The following SCNN1G variants were observed in gnomAD, a reference collection of about 807,000 sequenced individuals.
SCNN1G encodes the protein sodium channel epithelial 1 subunit gamma.
Under a neutral mutation model 64.6 loss-of-function variants are expected in SCNN1G, and 27 were observed. The ratio of observed to expected loss-of-function variants is 0.42; its 90% CI spans 0.31 to 0.58. SCNN1G has a LOEUF of 0.58. SCNN1G is among the 20% of genes least tolerant of loss of function. The pLI, the probability that SCNN1G is intolerant of heterozygous loss-of-function variation, is 0.18. For missense variants in SCNN1G, 743 were observed against 823.4 expected, an observed-to-expected ratio of 0.90 and a Z score of 1.19; for synonymous variants, 330 against 314.2, an observed-to-expected ratio of 1.05 and a Z score of -0.53.
chr16:23,192,515 T>G lies in SCNN1G; in HGVS notation c.782T>G (p.Phe261Cys). ...YSAEELLVTC[F>C]FDGVSCDARN... Reference sequence around the variant, plus strand: ...GCTGAGGAGCTGCTGGTGACCTGCTTCTTTGATGGAGTGTCCTGTGATGCC... The same window carrying G: ...GCTGAGGAGCTGCTGGTGACCTGCTGCTTTGATGGAGTGTCCTGTGATGCC... The change falls in exon 4 of 13, where the codon TTC becomes TGC. Residue 261 changes from phenylalanine to cysteine, a missense_variant. By Grantham distance (205) the Phe-to-Cys change is radical. Transcript: ENST00000300061. 1.2e-6 allele frequency: 2 copies of G among 1,612,452 alleles called. No homozygotes were observed. The highest frequency in any genetic ancestry group is 1.7e-6 in the Non-Finnish European group (2 of 1,179,964).
At chr16:23,185,118 T>A (rs977947598) in intron 1 of SCNN1G, among the ~76,000 whole-genome samples, 11 of 152,270 alleles carry the variant, frequency 7.2e-5, no homozygotes, top group Admixed American at 2.6e-4. Flanking sequence ...GGCTGCAGGG[T>A]TCCATCCAGC....
chr16:23,205,377 A>T (rs2141940516), intron 6 of SCNN1G, among the ~76,000 whole-genome samples: 1 of 152,202 alleles, frequency 6.6e-6, no homozygotes, highest in East Asian at 1.9e-4. Flanking sequence ...GCCCTGAGAC[A>T]GCCTAGAGAC....
chr16:23,186,003 G>A (rs1352486862), intron 1 of SCNN1G, among the ~76,000 whole-genome samples: 1 of 152,318 alleles, frequency 6.6e-6, no homozygotes, highest in African/African-American at 2.4e-5. Context: ...CCTGGGGGCC[G>A]TAAGAGAAGT....
At chr16:23,209,706 T>A (rs373486997) in intron 6 of SCNN1G, 44 bp from the exon 7 acceptor site, 170 of 1,451,274 alleles carry the variant, frequency 1.2e-4, no homozygotes, top group Non-Finnish European at 1.6e-4. Context: ...CCCGCCTGGG[T>A]CCGGGGGGAG....
At chr16:23,187,757 C>T (rs1959637375) in intron 2 of SCNN1G, among the ~76,000 whole-genome samples, 2 of 152,186 alleles carry the variant, frequency 1.3e-5, no homozygotes, top group South Asian at 2.1e-4. Context: ...CTATCATCCT[C>T]GGCAGGACCT....
At chr16:23,209,872 AGC>A in intron 7 of SCNN1G, 24 bp downstream of exon 7, 1 of 1,556,160 alleles carries the variant, frequency 6.4e-7, no homozygotes, top group Non-Finnish European at 8.9e-7. Context: ...AGGGGCACCC[AGC>A]CCTGGGTTTA....
Position 23,189,348 on chromosome 16 carries a change from A to C in SCNN1G, c.318-23A>C, listed in dbSNP as rs780997631. 4 of 1,611,386 alleles carry C rather than the reference A, an allele frequency of 2.5e-6. No homozygotes were observed. The African/African-American group carries it at 5.3e-5, about 22-fold the overall frequency. Reference sequence around the variant, plus strand: ...GCCAGGGCCGCCTCCCCTCTCCCTGACTTTTCCTCCCCACCTTGGCAGGTA... The same window carrying C: ...GCCAGGGCCGCCTCCCCTCTCCCTGCCTTTTCCTCCCCACCTTGGCAGGTA... On this transcript the variant is annotated intron_variant, in intron 2 of 12. Coordinates refer to ENST00000300061, the MANE Select transcript of SCNN1G (RefSeq NM_001039.4).
intron 2 of SCNN1G, among the ~76,000 whole-genome samples, chr16:23,188,455 G>A (rs752183810): frequency 6.6e-6 from 1 of 151,908 alleles, no homozygotes; most frequent in African/African-American, 2.4e-5. Flanking sequence ...TAGGCTGCAG[G>A]GAACCATGAT....
chr16:23,195,136 C>T (rs1959775568), intron 5 of SCNN1G: 1 of 152,132 alleles, frequency 6.6e-6, no homozygotes, highest in Non-Finnish European at 1.5e-5. Context: ...TAATTAAAGT[C>T]CTATCTCAAA....
chr16:23,212,143 C>A lies in SCNN1G; in HGVS notation c.1286C>A (p.Pro429His), dbSNP rs779293588. 1 of 1,609,632 alleles carries A rather than the reference C, an allele frequency of 6.2e-7. No individual in the cohort carries two copies. The highest frequency in any genetic ancestry group is 2.2e-5 in the East Asian group (1 of 44,866). Residue 429 changes from proline to histidine, a missense_variant, in exon 8 of 13, where the codon CCC (proline) becomes CAC (histidine). By Grantham distance (77) the Pro-to-His change is moderately conservative. Transcript: ENST00000300061. Reference sequence around the variant, plus strand: ...AACTACTGCAACTACCAGCAGCACCCCAACTGGAGTGAGTGAGACCCAGCT... The same window carrying A: ...AACTACTGCAACTACCAGCAGCACCACAACTGGAGTGAGTGAGACCCAGCT... The part of the protein sequence containing the change: ...AANYCNYQQH[P>H]NWMYCYYQLH...
chr16:23,190,416 C>T (rs1454160017), intron 3 of SCNN1G, among the ~76,000 whole-genome samples: 1 of 152,110 alleles, frequency 6.6e-6, no homozygotes, highest in Non-Finnish European at 1.5e-5. Context: ...ACCAGTAACT[C>T]ATGGAGGCCT....
chr16:23,191,040 T>C (rs898363819), intron 3 of SCNN1G, among the ~76,000 whole-genome samples: 5 of 152,040 alleles, frequency 3.3e-5, no homozygotes, highest in Non-Finnish European at 4.4e-5. Flanking sequence ...AGACTGGGTT[T>C]CACCATGTTG....
At chr16:23,199,663 CTTTTTTTTTTTTT>C (rs67132706) in intron 6 of SCNN1G, among the ~76,000 whole-genome samples, 1 of 59,642 alleles carries the variant, frequency 1.7e-5, no homozygotes, top group Non-Finnish European at 3.0e-5. Context: ...CTTTTCTTTT[CTTTTTTTTTTTTT>C]TTTTTTTTTT....
In SCNN1G at chr16:23,183,694, T is replaced by A. The variant is rs563146898; in HGVS notation, c.-45+881T>A. Among the ~76,000 whole-genome samples, 190 of 145,100 alleles carry A rather than the reference T, an allele frequency of 1.3e-3. 1 individual carries two copies. The highest frequency in any genetic ancestry group is 4.4e-3 in the African/African-American group (182 of 41,176). ...AAATGGGCCAAGTAATAGCACCTCA[T>A]ATAACTGTAGTGAGGATTAAATCAG... is the stretch of plus-strand genomic sequence containing the variant. On this transcript the variant is annotated intron_variant, in intron 1 of 12. Transcript: ENST00000300061.
rs769294418 is a variant in SCNN1G, at chr16:23,186,344, A to G, written c.73A>G (p.Ile25Val). 6 of 1,614,238 alleles carry G rather than the reference A, an allele frequency of 3.7e-6. No individual in the cohort carries two copies. The highest frequency in any genetic ancestry group is 1.1e-5 in the South Asian group (1 of 91,088). Residue 25 changes from isoleucine (I) to valine (V), a missense_variant, in exon 2 of 13, where the codon ATT (isoleucine) becomes GTT (valine). Coordinates refer to ENST00000300061, the MANE Select transcript of SCNN1G (RefSeq NM_001039.4). ...LPVTGPQAPT[I>V]KELMRWYCLN... The stretch of plus-strand genomic sequence containing the variant: ...CGTGACGGGCCCTCAGGCGCCGACC[A>G]TTAAAGAGCTGATGCGGTGGTACTG...
intron 6 of SCNN1G, among the ~76,000 whole-genome samples, chr16:23,206,860 T>C (rs1959999711): frequency 6.6e-6 from 1 of 152,106 alleles, no homozygotes; most frequent in Admixed American, 6.5e-5. Flanking sequence ...CTCACACATA[T>C]GCACACATAT....
intron 6 of SCNN1G, among the ~76,000 whole-genome samples, chr16:23,201,205 A>AT (rs1959883448): frequency 6.6e-6 from 1 of 152,172 alleles, no homozygotes; most frequent in African/African-American, 2.4e-5. Flanking sequence ...TGTCCCACAC[A>AT]CTTTTATCTG....
intron 8 of SCNN1G, 49 bp downstream of exon 8, chr16:23,212,200 C>T (rs1444991532): frequency 1.5e-6 from 2 of 1,297,424 alleles, no homozygotes; most frequent in Non-Finnish European, 2.2e-6. Flanking sequence ...CCAGGGTCAG[C>T]CTAGTCCTGG....
At chr16:23,213,225 G>C in intron 11 of SCNN1G, 62 bp downstream of exon 11, 4 of 1,118,242 alleles carry the variant, frequency 3.6e-6, no homozygotes, top group South Asian at 1.2e-5. Flanking sequence ...CTTCTCACTT[G>C]CTTCTGTATG....
Sources: allele counts gnomAD v4.1 joint callset (sites outside exome capture counted in the v4.1 genomes callset), GRCh38; gene constraint gnomAD v4.1.1; transcripts MANE v1.5; gene names NCBI Gene and HGNC (gene_info 2026-07-23, HGNC 2026-07-21).